PINX1: variants seen among roughly 807,000 people sequenced by gnomAD.
PINX1 encodes PIN2/TERF1-interacting telomerase inhibitor 1.
Under a neutral mutation model 25.4 loss-of-function variants are expected in PINX1, and 34 were observed. The ratio of observed to expected loss-of-function variants is 1.34; its 90% CI spans 1.02 to 1.78. The LOEUF (loss-of-function observed/expected upper bound fraction) is 1.78. PINX1 is among the 40% of genes most tolerant of loss of function. The pLI is 0.00. For synonymous variants in PINX1, 197 were observed against 147.7 expected (o/e 1.33, Z -2.42); for missense variants, 592 against 404.9 (o/e 1.46, Z -3.97).
At chr8:10,834,579 T>G in intron 2 of PINX1, 87 bp downstream of exon 2, 1 of 1,495,490 alleles carries the variant, frequency 6.7e-7, no homozygotes, top group African/African-American at 1.4e-5. Context: ...AGCATAAGTT[T>G]CTTCCAGTCT....
Position 10,834,905 on chromosome 8 carries a change from A to G in PINX1, c.20-130T>C, listed in dbSNP as rs566694469. On this transcript the variant is annotated intron_variant, in intron 1 of 6. Transcript: ENST00000314787. ...ATATGACATACATTACAATACAGAA[A>G]TTAATTCAACACTCAACAGAATGTT... 4.1e-5 allele frequency: 26 copies of G among 631,390 alleles called. No individual in the cohort carries two copies. The South Asian group carries it at 4.4e-4, about 11-fold the overall frequency. The allele number at this position is 631,390 out of a possible 1,614,324, so 39.1% of individuals were successfully genotyped here. A position where few individuals can be genotyped will look rare whatever the true frequency, so the allele number is the denominator to read the frequency against.
chr8:10,764,971 T>G lies in PINX1; in HGVS notation c.*430A>C, dbSNP rs1391556560. On this transcript the variant is annotated 3_prime_UTR_variant, in exon 7 of 7. Transcript: ENST00000314787. ...AATCTGAATCCAAGCTATTGCCTCT[T>G]AATCCTTTAATTAGGCTGAGTCTTT... The G allele has an allele frequency of 6.2e-6, 1 of 160,082 alleles. No individual in the cohort carries two copies. Among genetic ancestry groups the G allele is most frequent in the Non-Finnish European group, 1.4e-5 (1 of 73,812 alleles). 9.9% of individuals were successfully genotyped at this position (160,082 alleles called of 1,614,324 possible).
At chr8:10,823,809 C>A (rs1033966743) in intron 5 of PINX1, among the ~76,000 whole-genome samples, 1 of 152,170 alleles carries the variant, frequency 6.6e-6, no homozygotes, top group Non-Finnish European at 1.5e-5. Context: ...GCCTGGGCAA[C>A]AGAGTGAGAT....
intron 6 of PINX1, among the ~76,000 whole-genome samples, chr8:10,786,413 C>T (rs533378695): frequency 6.6e-5 from 10 of 152,238 alleles, no homozygotes; most frequent in South Asian, 6.2e-4. Context: ...GGGAGTTGCA[C>T]GGTTCAAACG....
rs559754418 is a variant in PINX1 at position 10,812,945 on chromosome 8, A to G, written c.471+7248T>C. 2.0e-5 allele frequency among the ~76,000 whole-genome samples: 3 copies of G among 152,346 alleles called. No homozygotes were observed. In the South Asian group the frequency reaches 6.2e-4, roughly 32 times the overall value. On this transcript the variant is annotated intron_variant, in intron 6 of 6. Coordinates refer to ENST00000314787, the MANE Select transcript of PINX1 (RefSeq NM_017884.6). ...CTAATTTTCATCTAGCTGCTAGCAA[A>G]TTAGATCTTTCTAGAAGTAAATGAC...
chr8:10,789,178 GA>G (rs1371164192), intron 6 of PINX1, among the ~76,000 whole-genome samples: 2 of 152,230 alleles, frequency 1.3e-5, no homozygotes, highest in African/African-American at 4.8e-5. Context: ...CTCCAAGGCT[GA>G]CGGTAACTGA....
At chr8:10,826,966 C>G (rs760715454) in intron 4 of PINX1, among the ~76,000 whole-genome samples, 26 of 152,258 alleles carry the variant, frequency 1.7e-4, no homozygotes, top group Non-Finnish European at 1.0e-4. Context: ...TGCACAGAAC[C>G]ATCCGCCCAT....
intron 6 of PINX1, among the ~76,000 whole-genome samples, chr8:10,789,338 G>A (rs1040248879): frequency 6.6e-6 from 1 of 152,224 alleles, no homozygotes; most frequent in African/African-American, 2.4e-5. Flanking sequence ...GGTGTGCCAT[G>A]TGATGTTTTG....
At chr8:10,766,843 G>A (rs1321427713) in intron 6 of PINX1, among the ~76,000 whole-genome samples, 1 of 152,204 alleles carries the variant, frequency 6.6e-6, no homozygotes, top group African/African-American at 2.4e-5. Context: ...CCTAAGGGGA[G>A]AGGCTGGGAT....
chr8:10,831,449 C>A (rs1232866305), intron 4 of PINX1, among the ~76,000 whole-genome samples: 1 of 151,878 alleles, frequency 6.6e-6, no homozygotes, highest in African/African-American at 2.4e-5. Context: ...TTAAATGCTC[C>A]CAACACAAAT....
intron 6 of PINX1, among the ~76,000 whole-genome samples, chr8:10,769,872 C>G (rs1336366874): frequency 6.6e-6 from 1 of 152,154 alleles, no homozygotes; most frequent in Non-Finnish European, 1.5e-5. Context: ...GAAGCCACCC[C>G]AAAACTAAAG....
At chr8:10,817,481 C>A (rs80179534) in intron 6 of PINX1, among the ~76,000 whole-genome samples, 1 of 152,298 alleles carries the variant, frequency 6.6e-6, no homozygotes, top group Non-Finnish European at 1.5e-5. Context: ...TCAATAAAAG[C>A]AAACTTAACA....
At chr8:10,822,402 C>A (rs1797905181) in intron 5 of PINX1, among the ~76,000 whole-genome samples, 2 of 152,152 alleles carry the variant, frequency 1.3e-5, no homozygotes, top group African/African-American at 4.8e-5. Flanking sequence ...ATGAAGAAAA[C>A]TGAATAGGAA....
chr8:10,809,490 AT>A (rs1373776170), intron 6 of PINX1, among the ~76,000 whole-genome samples: 1 of 152,190 alleles, frequency 6.6e-6, no homozygotes, highest in Non-Finnish European at 1.5e-5. Context: ...CACAGGGCTC[AT>A]TTTCCCTGCA....
chr8:10,826,208 AG>A lies in PINX1; in HGVS notation c.337del (p.Glu114ArgfsTer14). The A allele has an allele frequency of 6.3e-7, 1 of 1,596,410 alleles. No individual in the cohort carries two copies. Among genetic ancestry groups the A allele is most frequent in the South Asian group, 1.1e-5 (1 of 88,920 alleles). On this transcript the variant is annotated frameshift_variant, in exon 5 of 7. Transcript: ENST00000314787. LOFTEE classifies it high-confidence loss of function. ...SDKKEKKSFSLEEKSKISKNR... is the reference protein window; with the variant it reads ...SDKKEKKSFSXEEKSKISKNR... ...TTTGGAGATTTTGGACTTTTCCTCAAGGCTAAAAGATTTCTTTTCCTTCTTG... is the reference window on the plus strand; with the variant it reads ...TTTGGAGATTTTGGACTTTTCCTCAAGCTAAAAGATTTCTTTTCCTTCTTG...
chr8:10,832,590 T>A (rs1179038996), intron 3 of PINX1, among the ~76,000 whole-genome samples: 4 of 152,208 alleles, frequency 2.6e-5, no homozygotes, highest in Non-Finnish European at 5.9e-5. Flanking sequence ...GTAATTCAAT[T>A]TACCTAAAGT....
intron 6 of PINX1, among the ~76,000 whole-genome samples, chr8:10,775,410 G>GGTTTTTTTTTGTTTTTTT (rs1563203196): frequency 9.1e-6 from 1 of 109,594 alleles, no homozygotes; most frequent in African/African-American, 3.2e-5. Context: ...CTGTTTTGTG[G>GGTTTTTTTTTGTTTTTTT]TTTTTTTTTT....
At chr8:10,833,041 G>C in intron 2 of PINX1, 57 bp from the exon 3 acceptor site, 1 of 1,004,922 alleles carries the variant, frequency 1.0e-6, no homozygotes, top group East Asian at 2.6e-5. Flanking sequence ...CTCAGAAGCA[G>C]AGCACTGCTA....
At chr8:10,792,514 A>C (rs1056019881) in intron 6 of PINX1, among the ~76,000 whole-genome samples, 5 of 152,036 alleles carry the variant, frequency 3.3e-5, no homozygotes, top group Non-Finnish European at 7.4e-5. Flanking sequence ...TTCACAGTCC[A>C]TGGTTAAGAG....
Sources: gnomAD v4.1 joint callset for allele counts (sites outside exome capture counted in the v4.1 genomes callset) on GRCh38, gnomAD v4.1.1 for gene constraint, MANE v1.5 for transcripts, NCBI Gene and HGNC (gene_info 2026-07-23, HGNC 2026-07-21) for gene names.